The following HIRA variants were observed in gnomAD, a reference collection of about 807,000 sequenced individuals.
HIRA encodes protein HIRA.
Under a neutral mutation model 126.6 loss-of-function variants are expected in HIRA, and 13 were observed. The observed-to-expected ratio is 0.10, with a 90% confidence interval of 0.07 to 0.16. HIRA has a LOEUF of 0.16. HIRA is among the 10% of genes least tolerant of loss of function. The probability of loss-of-function intolerance (pLI) is 1.00; values close to 1 mark genes in which losing one functional copy is unlikely to be tolerated. For missense variants in HIRA, 834 were observed against 1,314.4 expected (o/e 0.63, Z 5.65); for synonymous variants, 511 against 520.0 (o/e 0.98, Z 0.24).
intron 2 of HIRA, 30 bp downstream of exon 2, chr22:19,410,686 G>A: frequency 1.3e-6 from 2 of 1,571,902 alleles, no homozygotes; most frequent in Non-Finnish European, 1.8e-6. Context: ...GGGCTGTTAA[G>A]CTTTCCCTTT....
chr22:19,367,413 C>T (rs1166357688), intron 15 of HIRA, among the ~76,000 whole-genome samples: 2 of 150,470 alleles, frequency 1.3e-5, no homozygotes, highest in South Asian at 2.1e-4. Flanking sequence ...GTTGCTCAGG[C>T]TGGAATGCAG....
intron 14 of HIRA, among the ~76,000 whole-genome samples, chr22:19,377,014 C>T (rs2089025163): frequency 6.6e-6 from 1 of 152,242 alleles, no homozygotes; most frequent in South Asian, 2.1e-4. Flanking sequence ...GCACAGACAC[C>T]TTGGCCTTCT....
chr22:19,343,886 A>AAG (rs71184802), intron 24 of HIRA, among the ~76,000 whole-genome samples: 122,838 of 145,166 alleles, frequency 0.85, 53,555 homozygotes, highest in Non-Finnish European at 0.95. Flanking sequence ...AAAAAAAAAA[A>AAG]AGAGAGAGAG....
At chr22:19,363,908 A>G (rs979733840) in intron 15 of HIRA, among the ~76,000 whole-genome samples, 4 of 152,196 alleles carry the variant, frequency 2.6e-5, no homozygotes, top group African/African-American at 9.7e-5. Flanking sequence ...GTCTCGAAAA[A>G]ACCCAAAAAA....
At chr22:19,423,016 C>T (rs1289199554) in intron 1 of HIRA, among the ~76,000 whole-genome samples, 3 of 152,174 alleles carry the variant, frequency 2.0e-5, no homozygotes, top group African/African-American at 4.8e-5. Flanking sequence ...TCTGTGCTTA[C>T]ATCATAGCTT....
intron 24 of HIRA, among the ~76,000 whole-genome samples, chr22:19,335,696 C>CT (rs1254208914): frequency 1.3e-5 from 2 of 152,166 alleles, no homozygotes; most frequent in Non-Finnish European, 2.9e-5. Flanking sequence ...AATAGCCCCC[C>CT]CTATTTTTCC....
At chr22:19,410,108 CTA>C (rs1469594905) in intron 2 of HIRA, among the ~76,000 whole-genome samples, 1 of 152,220 alleles carries the variant, frequency 6.6e-6, no homozygotes, top group Non-Finnish European at 1.5e-5. Context: ...CATTGTGTCA[CTA>C]TATATACATC....
rs782463579 is a variant in HIRA, at chr22:19,355,873, C to T, written c.2456-8G>A. On this transcript the variant is annotated splice_region_variant and splice_polypyrimidine_tract_variant and intron_variant, in intron 20 of 24. Coordinates refer to ENST00000263208, the MANE Select transcript of HIRA (RefSeq NM_003325.4). ...ATACCGTCATATCACTTCCTGAGGA[C>T]AGCATGGGAATGAGTTCTGGGTGTG... 4 of 1,594,092 alleles carry T rather than the reference C, an allele frequency of 2.5e-6. No individual in the cohort carries two copies. The East Asian group carries it at 8.9e-5, about 36-fold the overall frequency.
Position 19,431,673 on chromosome 22 carries a change from C to G in HIRA, c.-197G>C, listed in dbSNP as rs1453360872. 4 of 466,810 alleles carry G rather than the reference C, an allele frequency of 8.6e-6. No individual in the cohort carries two copies. Among genetic ancestry groups the G allele is most frequent in the Admixed American group, 5.1e-5 (1 of 19,630 alleles). 28.9% of individuals were successfully genotyped at this position (466,810 alleles called of 1,614,324 possible). A position where few individuals can be genotyped will look rare whatever the true frequency, so the allele number is the denominator to read the frequency against. ...ACAGCCGCCACCCGCGCTCGGCCGCCGCCGCCGCCACCACAGCCGCATCCC... is the reference window on the plus strand; with the variant it reads ...ACAGCCGCCACCCGCGCTCGGCCGCGGCCGCCGCCACCACAGCCGCATCCC... On this transcript the variant is annotated 5_prime_UTR_variant, in exon 1 of 25. Transcript: ENST00000263208.
At chr22:19,417,615 C>T (rs1038381970) in intron 1 of HIRA, among the ~76,000 whole-genome samples, 3 of 151,840 alleles carry the variant, frequency 2.0e-5, no homozygotes, top group South Asian at 2.1e-4. Flanking sequence ...AGTGAGACTC[C>T]GTCTCAAAAA....
chr22:19,353,643 G>A (rs570513528), intron 22 of HIRA, 124 bp from the exon 23 acceptor site: 55 of 952,504 alleles, frequency 5.8e-5, no homozygotes, highest in Middle Eastern at 3.4e-4. Flanking sequence ...AAGGCCTCCC[G>A]TCCACTAGCC....
intron 24 of HIRA, among the ~76,000 whole-genome samples, chr22:19,332,232 C>T (rs558682987): frequency 2.6e-5 from 4 of 152,234 alleles, no homozygotes; most frequent in South Asian, 2.1e-4. Context: ...TAACACTGGA[C>T]GAGAAGGTCT....
intron 15 of HIRA, among the ~76,000 whole-genome samples, chr22:19,373,221 C>A (rs557314105): frequency 6.6e-6 from 1 of 152,122 alleles, no homozygotes; most frequent in East Asian, 1.9e-4. Flanking sequence ...ATTAATCTTT[C>A]CTCATTTTGT....
At chr22:19,359,985 T>C (rs1448245445) in intron 17 of HIRA, among the ~76,000 whole-genome samples, 31 of 152,034 alleles carry the variant, frequency 2.0e-4, no homozygotes. Flanking sequence ...CCTGTGGTGG[T>C]GAGACTTGGT....
intron 1 of HIRA, among the ~76,000 whole-genome samples, chr22:19,414,842 G>A (rs979162340): frequency 1.3e-5 from 2 of 152,032 alleles, no homozygotes; most frequent in Non-Finnish European, 2.9e-5. Context: ...ACCAACAGGC[G>A]CACCATTGCA....
At chr22:19,360,430 G>A (rs1007261494) in intron 17 of HIRA, among the ~76,000 whole-genome samples, 3 of 152,212 alleles carry the variant, frequency 2.0e-5, no homozygotes, top group African/African-American at 7.2e-5. Flanking sequence ...AAACCCTATG[G>A]GTTCCTACCC....
chr22:19,416,793 A>C (rs1392261390), intron 1 of HIRA, among the ~76,000 whole-genome samples: 1 of 152,264 alleles, frequency 6.6e-6, no homozygotes, highest in Non-Finnish European at 1.5e-5. Flanking sequence ...AAATATCTGC[A>C]AATTACATAT....
intron 7 of HIRA, among the ~76,000 whole-genome samples, 191 bp from the exon 8 acceptor site, chr22:19,394,700 TG>T (rs2089208821): frequency 6.6e-6 from 1 of 152,202 alleles, no homozygotes; most frequent in Non-Finnish European, 1.5e-5. Context: ...GAAATGAATT[TG>T]GAAACTGCAG....
At chr22:19,354,794 G>A (rs2088794962) in intron 21 of HIRA, among the ~76,000 whole-genome samples, 2 of 151,984 alleles carry the variant, frequency 1.3e-5, no homozygotes, top group Non-Finnish European at 2.9e-5. Context: ...TTGAGACAGG[G>A]TCTTACTCTG....
Sources: allele counts gnomAD v4.1 joint callset (sites outside exome capture counted in the v4.1 genomes callset), GRCh38; gene constraint gnomAD v4.1.1; transcripts MANE v1.5; gene names NCBI Gene and HGNC (gene_info 2026-07-23, HGNC 2026-07-21).